The following LRRC37A2 variants were observed in gnomAD, a reference collection of about 807,000 sequenced individuals.
The protein encoded by LRRC37A2 is leucine rich repeat containing 37 member A2, also known as leucine-rich repeat-containing protein 37A2.
LRRC37A2 carries 9 observed loss-of-function variants against 68.8 expected under a neutral mutation model. The observed-to-expected ratio is 0.13, with a 90% CI of 0.08 to 0.23. The LOEUF is 0.23. LRRC37A2 is among the 10% of genes least tolerant of loss of function. The pLI is 1.00. For synonymous variants in LRRC37A2, 63 were observed against 367.6 expected, an observed-to-expected ratio of 0.17 and a Z score of 9.48; for missense variants, 168 against 950.4, an observed-to-expected ratio of 0.18 and a Z score of 10.82.
the LRRC37A2 span, chr17:46,923,589 CG>C: frequency 3.8e-5 from 49 of 1,285,262 alleles, 1 homozygote; most frequent in Non-Finnish European, 4.6e-5. Flanking sequence ...GTAGGAGACA[CG>C]GCCCCTGGCC....
chr17:46,815,440 G>A, the LRRC37A2 span, among the ~76,000 whole-genome samples: 1 of 152,146 alleles, frequency 6.6e-6, no homozygotes, highest in Non-Finnish European at 1.5e-5. Context: ...CCAGCTACAT[G>A]ACTTCCCCTG....
the LRRC37A2 span, among the ~76,000 whole-genome samples, chr17:46,667,477 A>T: frequency 3.0e-5 from 4 of 132,052 alleles, no homozygotes; most frequent in Admixed American, 7.8e-5. Flanking sequence ...TTTTTTTTTT[A>T]AGAAATCTTT....
the LRRC37A2 span, among the ~76,000 whole-genome samples, chr17:46,974,987 CTTTTT>C: frequency 1.3e-4 from 16 of 119,064 alleles, no homozygotes; most frequent in African/African-American, 4.5e-4. Context: ...TTACTATTTT[CTTTTT>C]TTTTTTTTTT....
the LRRC37A2 span, among the ~76,000 whole-genome samples, chr17:46,737,572 CGTGTGT>C: frequency 6.8e-3 from 1,002 of 147,112 alleles, no homozygotes; most frequent in Non-Finnish European, 8.7e-3. Flanking sequence ...GGTGTGTGTG[CGTGTGT>C]GTGTGTGTGT....
chr17:46,961,543 AAAG>A, the LRRC37A2 span, among the ~76,000 whole-genome samples: 2 of 152,228 alleles, frequency 1.3e-5, no homozygotes, highest in African/African-American at 4.8e-5. Context: ...TCTGTTAAAA[AAAG>A]AAGCAAATGA....
At chr17:46,941,293 A>G in the LRRC37A2 span, 2 of 985,832 alleles carry the variant, frequency 2.0e-6, no homozygotes, top group Non-Finnish European at 2.4e-6. Flanking sequence ...TTGATTTGCA[A>G]ATTTGGATTT....
chr17:46,751,034 G>C, the LRRC37A2 span, among the ~76,000 whole-genome samples: 1 of 152,186 alleles, frequency 6.6e-6, no homozygotes, highest in Non-Finnish European at 1.5e-5. Context: ...TTGTTCAGCA[G>C]TGGTGGAGTC....
chr17:46,823,612 G>GT, the LRRC37A2 span, among the ~76,000 whole-genome samples: 1 of 152,184 alleles, frequency 6.6e-6, no homozygotes, highest in African/African-American at 2.4e-5. Context: ...GCTAATTTGT[G>GT]TTTTTTTGGT....
the LRRC37A2 span, among the ~76,000 whole-genome samples, chr17:46,900,998 G>A: frequency 6.6e-6 from 1 of 152,030 alleles, no homozygotes; most frequent in East Asian, 1.9e-4. Flanking sequence ...GTAATGCAAT[G>A]GAAATTAATC....
At chr17:46,939,312 C>T in the LRRC37A2 span, 2 of 1,012,574 alleles carry the variant, frequency 2.0e-6, no homozygotes, top group South Asian at 4.1e-5. Flanking sequence ...TACTTGTCAC[C>T]ATTCCCTGGA....
chr17:46,925,862 A>G, the LRRC37A2 span, among the ~76,000 whole-genome samples: 2 of 152,254 alleles, frequency 1.3e-5, no homozygotes, highest in Non-Finnish European at 2.9e-5. Flanking sequence ...AAAATAATGA[A>G]TGAATGAAAA....
the LRRC37A2 span, among the ~76,000 whole-genome samples, chr17:46,863,784 T>A: frequency 6.6e-6 from 1 of 152,126 alleles, no homozygotes; most frequent in Non-Finnish European, 1.5e-5. Context: ...GTCCCCTTTC[T>A]CCAGCCCTGG....
the LRRC37A2 span, among the ~76,000 whole-genome samples, chr17:46,977,629 A>T: frequency 6.6e-6 from 1 of 152,220 alleles, no homozygotes; most frequent in Non-Finnish European, 1.5e-5. Flanking sequence ...TCTCCATTGT[A>T]TAATAAACAT....
At chr17:46,749,630 C>A in the LRRC37A2 span, 1 of 734,172 alleles carries the variant, frequency 1.4e-6, no homozygotes. Context: ...CAGGAAAATC[C>A]TGAATTGTTT....
At chr17:46,605,421 C>T in the LRRC37A2 span, among the ~76,000 whole-genome samples, 4 of 144,138 alleles carry the variant, frequency 2.8e-5, no homozygotes, top group Non-Finnish European at 6.1e-5. Flanking sequence ...GCATGCCAGC[C>T]TGGGCAACAA....
At chr17:46,985,347 T>G in the LRRC37A2 span, among the ~76,000 whole-genome samples, 2 of 152,018 alleles carry the variant, frequency 1.3e-5, no homozygotes, top group African/African-American at 4.8e-5. Flanking sequence ...GGTGAAACCC[T>G]GTCTCTACTA....
chr17:46,715,675 A>G, the LRRC37A2 span, among the ~76,000 whole-genome samples: 1,535 of 152,290 alleles, frequency 0.01, 27 homozygotes, highest in African/African-American at 0.034. Flanking sequence ...AGTGTGAGAT[A>G]TTATCATTTT....
chr17:47,019,243 C>G, the LRRC37A2 span: 1 of 1,546,104 alleles, frequency 6.5e-7, no homozygotes, highest in Non-Finnish European at 8.9e-7. Flanking sequence ...GAACCTTCTA[C>G]AGCCCTGATG....
At position 46,553,992 on chromosome 17, in the gene LRRC37A2, G is replaced by A. The variant is rs1264765314; in HGVS notation, c.4859+543G>A. Reference sequence around the variant, plus strand: ...TCTCCTTCAAGGCTGATGGAAGGTAGGATATGTGAGTCCTTCCTCTTAAGT... The same window carrying A: ...TCTCCTTCAAGGCTGATGGAAGGTAAGATATGTGAGTCCTTCCTCTTAAGT... On this transcript the variant is annotated intron_variant, in intron 12 of 14. Coordinates refer to ENST00000576629, the Ensembl canonical transcript of LRRC37A2. 1.1e-5 allele frequency: 11 copies of A among 1,000,258 alleles called. No individual in the cohort carries two copies. The Admixed American group carries it at 5.5e-4, about 50-fold the overall frequency. 62.0% of individuals were successfully genotyped at this position (1,000,258 alleles called of 1,614,324 possible).
Sources: allele counts gnomAD v4.1 joint callset (sites outside exome capture counted in the v4.1 genomes callset), GRCh38; gene constraint gnomAD v4.1.1; transcripts MANE v1.5; gene names NCBI Gene and HGNC (gene_info 2026-07-23, HGNC 2026-07-21).